The following ELAVL4 variants were observed in gnomAD, a reference collection of about 807,000 sequenced individuals.
ELAVL4 encodes ELAV-like protein 4.
ELAVL4 carries 1 observed loss-of-function variant against 35.6 expected under a neutral mutation model. That is an observed-to-expected ratio of 0.03 (90% CI 0.01 to 0.13). The LOEUF is 0.13. Among genes scored for constraint, ELAVL4 ranks in the 10% least tolerant of loss-of-function variants. ELAVL4 has a pLI of 1.00. For synonymous variants in ELAVL4, 156 were observed against 171.0 expected, an observed-to-expected ratio of 0.91 and a Z score of 0.69; for missense variants, 267 against 464.9, an observed-to-expected ratio of 0.57 and a Z score of 3.91.
upstream of ELAVL4, among the ~76,000 whole-genome samples, chr1:50,106,737 AGG>A (rs1666350360): frequency 6.6e-6 from 1 of 152,144 alleles, no homozygotes; most frequent in South Asian, 2.1e-4. Flanking sequence ...CATTTGTTTG[AGG>A]ATTCTGTTGA....
At chr1:50,132,282 G>A (rs960085022) in intron 1 of ELAVL4, among the ~76,000 whole-genome samples, 1 of 152,174 alleles carries the variant, frequency 6.6e-6, no homozygotes, top group Admixed American at 6.6e-5. Context: ...CAGAGATCAG[G>A]GAAATTTTGT....
chr1:50,109,016 C>CCGG lies in ELAVL4; in HGVS notation c.-173_-172insGGC. On this transcript the variant is annotated 5_prime_UTR_variant, in exon 1 of 7. Transcript: ENST00000371824. Reference sequence around the variant, plus strand: ...CTCCTTTTCTTTTTTTTCTTTCTCTCCCCCGCCCACCCCCCCAAAAATAAT... The same window carrying CCGG: ...CTCCTTTTCTTTTTTTTCTTTCTCTCCGGCCCCGCCCACCCCCCCAAAAATAAT... The CCGG allele has an allele frequency of 3.3e-6, 3 of 905,780 alleles. No individual in the cohort carries two copies. Among genetic ancestry groups the CCGG allele is most frequent in the Non-Finnish European group, 2.6e-6 (2 of 761,394 alleles). 56.1% of individuals were successfully genotyped at this position (905,780 alleles called of 1,614,324 possible). A position where few individuals can be genotyped will look rare whatever the true frequency, so the allele number is the denominator to read the frequency against.
chr1:50,177,079 A>G lies in ELAVL4; in HGVS notation c.251-10A>G. 6.2e-7 allele frequency: 1 copy of G among 1,607,126 alleles called. No homozygotes were observed. Among genetic ancestry groups the G allele is most frequent in the Non-Finnish European group, 8.5e-7 (1 of 1,174,294 alleles). The stretch of plus-strand genomic sequence containing the variant: ...CTCCCTTTCTCTCTCTCTTTTTAAT[A>G]TTTCCACAGGACAGAGTTTAGGGTA... On this transcript the variant is annotated splice_polypyrimidine_tract_variant and intron_variant, in intron 2 of 6. Coordinates refer to ENST00000371824, the MANE Select transcript of ELAVL4 (RefSeq NM_001144774.3).
chr1:50,067,984 CCGGGT>C (rs1048577145), intron 1 of ELAVL4, among the ~76,000 whole-genome samples: 3 of 152,134 alleles, frequency 2.0e-5, no homozygotes, highest in African/African-American at 7.2e-5. Flanking sequence ...TTACCTCCCA[CCGGGT>C]CTCTCCCACA....
At chr1:50,065,880 C>T (rs1302832838) in intron 1 of ELAVL4, among the ~76,000 whole-genome samples, 2 of 152,130 alleles carry the variant, frequency 1.3e-5, no homozygotes, top group South Asian at 4.1e-4. Flanking sequence ...ACTGGACTAT[C>T]TTCCATGTGA....
In ELAVL4 at chr1:50,109,016, C is replaced by CGGGGGGCGCG; in HGVS notation, c.-174_-173insGGGGGGCGCG. The CGGGGGGCGCG allele has an allele frequency of 2.2e-6, 2 of 905,766 alleles. No individual in the cohort carries two copies. The highest frequency in any genetic ancestry group is 5.1e-5 in the South Asian group (1 of 19,490). 56.1% of individuals were successfully genotyped at this position (905,766 alleles called of 1,614,324 possible). A position where few individuals can be genotyped will look rare whatever the true frequency, so the allele number is the denominator to read the frequency against. On this transcript the variant is annotated 5_prime_UTR_variant, in exon 1 of 7. Coordinates refer to ENST00000371824, the MANE Select transcript of ELAVL4 (RefSeq NM_001144774.3). ...CTCCTTTTCTTTTTTTTCTTTCTCT[C>CGGGGGGCGCG]CCCCGCCCACCCCCCCAAAAATAAT...
At chr1:50,133,044 A>G (rs1178269779) in intron 1 of ELAVL4, among the ~76,000 whole-genome samples, 1 of 152,184 alleles carries the variant, frequency 6.6e-6, no homozygotes, top group Non-Finnish European at 1.5e-5. Context: ...TAACTTTAGC[A>G]ATTGCAGAAT....
chr1:50,178,029 G>A (rs1235512433), intron 3 of ELAVL4, among the ~76,000 whole-genome samples: 1 of 152,166 alleles, frequency 6.6e-6, no homozygotes, highest in Non-Finnish European at 1.5e-5. Context: ...GTTTGCCTTG[G>A]GGGATTCCCT....
At chr1:50,171,436 C>T (rs1186421286) in intron 2 of ELAVL4, among the ~76,000 whole-genome samples, 1 of 152,178 alleles carries the variant, frequency 6.6e-6, no homozygotes, top group African/African-American at 2.4e-5. Flanking sequence ...GATTATTTAA[C>T]ATTTCTCAAG....
At chr1:50,183,168 C>CT (rs1245921863) in intron 3 of ELAVL4, among the ~76,000 whole-genome samples, 3 of 152,086 alleles carry the variant, frequency 2.0e-5, no homozygotes, top group Admixed American at 6.5e-5. Flanking sequence ...GATTTCCATC[C>CT]TTTTTTTATT....
intron 1 of ELAVL4, among the ~76,000 whole-genome samples, chr1:50,064,523 T>C (rs1174825731): frequency 3.3e-5 from 5 of 152,216 alleles, no homozygotes; most frequent in Admixed American, 6.5e-5. Flanking sequence ...CTTCTGGATA[T>C]GTTGGAACTC....
chr1:50,161,031 C>G (rs919960539), intron 2 of ELAVL4, among the ~76,000 whole-genome samples: 20 of 152,142 alleles, frequency 1.3e-4, no homozygotes, highest in African/African-American at 4.8e-4. Flanking sequence ...TTAGTATTAA[C>G]CTGATAATTT....
chr1:50,197,550 T>C, intron 6 of ELAVL4, 83 bp downstream of exon 6: 1 of 1,255,282 alleles, frequency 8.0e-7, no homozygotes. Context: ...TCACTAACTT[T>C]ACTTTAAAAG....
At chr1:50,101,181 G>A (rs1484224612), upstream of ELAVL4, among the ~76,000 whole-genome samples, 2 of 152,038 alleles carry the variant, frequency 1.3e-5, no homozygotes, top group African/African-American at 4.8e-5. Flanking sequence ...ATTGATCTTC[G>A]TTCATTCCCC....
chr1:50,105,173 T>TTGCAG (rs1272065766), upstream of ELAVL4, among the ~76,000 whole-genome samples: 1 of 152,192 alleles, frequency 6.6e-6, no homozygotes, highest in Non-Finnish European at 1.5e-5. Flanking sequence ...AGAAGAAAAG[T>TTGCAG]TGCACCCTTA....
At chr1:50,065,610 G>A (rs1311386813) in intron 1 of ELAVL4, among the ~76,000 whole-genome samples, 1 of 151,966 alleles carries the variant, frequency 6.6e-6, no homozygotes, top group Admixed American at 6.6e-5. Flanking sequence ...GTCTCGGGGT[G>A]GACTGGTTTA....
chr1:50,190,889 C>CAA (rs1417912750), intron 3 of ELAVL4, among the ~76,000 whole-genome samples: 1 of 152,204 alleles, frequency 6.6e-6, no homozygotes, highest in Non-Finnish European at 1.5e-5. Flanking sequence ...GTCCTCGTGA[C>CAA]AGAGGAAGGC....
At chr1:50,144,620 C>A in intron 1 of ELAVL4, 1 of 491,482 alleles carries the variant, frequency 2.0e-6, no homozygotes, top group South Asian at 1.6e-5. Flanking sequence ...TATTACTTTA[C>A]ATTTTAATTA....
chr1:50,174,001 T>A (rs1679519865), intron 2 of ELAVL4, among the ~76,000 whole-genome samples: 1 of 152,172 alleles, frequency 6.6e-6, no homozygotes. Flanking sequence ...GTTTCATCTA[T>A]TTTTTTCTAG....
Sources: allele counts gnomAD v4.1 joint callset (sites outside exome capture counted in the v4.1 genomes callset), GRCh38; gene constraint gnomAD v4.1.1; transcripts MANE v1.5; gene names NCBI Gene and HGNC (gene_info 2026-07-23, HGNC 2026-07-21).